PPIB: variants seen among roughly 807,000 people sequenced by gnomAD.
PPIB encodes the protein peptidyl-prolyl cis-trans isomerase B.
A neutral mutation model predicts 20.1 loss-of-function variants in PPIB; 15 were observed. That is an observed-to-expected ratio of 0.75 (90% CI 0.50 to 1.15). The LOEUF (loss-of-function observed/expected upper bound fraction) is 1.15. Among genes scored for constraint, PPIB ranks in the 50% most tolerant of loss-of-function variants. The pLI is 0.00. For missense variants in PPIB, 278 were observed against 283.0 expected (o/e 0.98, Z 0.13); for synonymous variants, 129 against 111.0 (o/e 1.16, Z -1.02).
intron 1 of PPIB, 64 bp downstream of exon 1, chr15:64,162,788 A>C: frequency 6.3e-7 from 1 of 1,576,622 alleles, no homozygotes; most frequent in Non-Finnish European, 8.6e-7. Flanking sequence ...GGCTGAGCCA[A>C]GGCCAAGCCA....
rs2241995 is a variant in PPIB at position 64,156,970 on chromosome 15, G to A, written c.344-61C>T. 1.4e-3 allele frequency: 2,173 copies of A among 1,562,026 alleles called. 16 individuals are homozygous for A. In the East Asian group the frequency reaches 0.018, roughly 13 times the overall value. On this transcript the variant is annotated intron_variant, in intron 3 of 4. Coordinates refer to ENST00000300026, the MANE Select transcript of PPIB (RefSeq NM_000942.5). The surrounding 1 kb of genome is among the most constrained non-coding windows in gnomAD (Gnocchi z 6.4). ...ATTGCGCCAAACCAAGCAGACATTC[G>A]GGGCCAGGACTGAGGGGGCTTAACC...
chr15:64,160,333 G>A lies in PPIB; in HGVS notation c.250-136C>T. 1 of 757,186 alleles carries A rather than the reference G, an allele frequency of 1.3e-6. No individual in the cohort carries two copies. The highest frequency in any genetic ancestry group is 2.3e-6 in the Non-Finnish European group (1 of 426,868). The allele number at this position is 757,186 out of a possible 1,614,324, so 46.9% of individuals were successfully genotyped here. ...CACTGCTGACCACTTTCACTGTTCA[G>A]TGTGCTACTAAGTGAGCGGGCAGGC... On this transcript the variant is annotated intron_variant, in intron 2 of 4. Transcript: ENST00000300026. The surrounding 1 kb of genome is among the most constrained non-coding windows in gnomAD (Gnocchi z 4.8).
Position 64,156,859 on chromosome 15 carries a change from G to A in PPIB, c.394C>T (p.His132Tyr). ...ATGCTCACCCAGCCAGGCCCGTAGT[G>A]CTTCAGTTTGAAGTTCTCATCGGGG... is the stretch of plus-strand genomic sequence containing the variant. ...RFPDENFKLKHYGPGWVSMAN... is the reference protein window; with the variant it reads ...RFPDENFKLKYYGPGWVSMAN... Residue 132 changes from histidine (H) to tyrosine (Y), a missense_variant, in exon 4 of 5, where the codon CAC becomes TAC. His to Tyr is a moderately conservative substitution (Grantham distance 83). Transcript: ENST00000300026. This position sits in a 1 kb window ranked among gnomAD's most constrained non-coding sequence, Gnocchi z 6.4. The A allele has an allele frequency of 6.2e-7, 1 of 1,614,164 alleles. No individual in the cohort carries two copies. The highest frequency in any genetic ancestry group is 8.5e-7 in the Non-Finnish European group (1 of 1,180,018).
rs748632860 is a variant in PPIB, at chr15:64,158,623, A to G, written c.343+1481T>C. Among the ~76,000 whole-genome samples, 2 of 150,964 alleles carry G rather than the reference A, an allele frequency of 1.3e-5. No individual in the cohort carries two copies. Among genetic ancestry groups the G allele is most frequent in the Non-Finnish European group, 3.0e-5 (2 of 67,784 alleles). On this transcript the variant is annotated intron_variant, in intron 3 of 4. Coordinates refer to ENST00000300026, the MANE Select transcript of PPIB (RefSeq NM_000942.5). The surrounding 1 kb of genome is among the most constrained non-coding windows in gnomAD (Gnocchi z 4.7). ...CCTCTTACTCAGCTCTGTGGCCCTG[A>G]CTCCCTGCAGGCCGAAGCCCAGGCT...
Position 64,158,921 on chromosome 15 carries a change from C to T in PPIB, c.343+1183G>A, listed in dbSNP as rs1447556231. 6.6e-6 allele frequency among the ~76,000 whole-genome samples: 1 copy of T among 152,220 alleles called. No individual in the cohort carries two copies. The highest frequency in any genetic ancestry group is 1.5e-5 in the Non-Finnish European group (1 of 68,040). ...CTCACTGCATGCCAGGCACTTCACA[C>T]TCCAGATCTAGCCCAATCCTCATGG... On this transcript the variant is annotated intron_variant, in intron 3 of 4. Coordinates refer to ENST00000300026, the MANE Select transcript of PPIB (RefSeq NM_000942.5). The surrounding 1 kb of genome is among the most constrained non-coding windows in gnomAD (Gnocchi z 4.7).
In PPIB at chr15:64,156,782, G is replaced by T; in HGVS notation, c.471C>A (p.Val157=). ...GCTTGCCATCTAGCCAGGCTGTCTT[G>T]ACTGTCGTGATGAAGAACTGGGAGC... ...TNGSQFFITT[V]KTAWLDGKHV... is the part of the protein sequence containing the mutation. The change falls in exon 4 of 5, where the codon GTC becomes GTA. Residue 157 remains valine, a synonymous_variant. Transcript: ENST00000300026. This position sits in a 1 kb window ranked among gnomAD's most constrained non-coding sequence, Gnocchi z 6.4. 3 of 1,614,210 alleles carry T rather than the reference G, an allele frequency of 1.9e-6. No homozygotes were observed. Among genetic ancestry groups the T allele is most frequent in the South Asian group, 1.1e-5 (1 of 91,084 alleles).
At chr15:64,162,746 A>G in intron 1 of PPIB, 106 bp downstream of exon 1, 3 of 1,528,946 alleles carry the variant, frequency 2.0e-6, no homozygotes, top group Non-Finnish European at 2.7e-6. Flanking sequence ...CCCAGACGCC[A>G]CGAGGCCACA....
Position 64,160,348 on chromosome 15 carries a change from A to G in PPIB, c.250-151T>C. The G allele has an allele frequency of 1.4e-6, 1 of 719,018 alleles. No homozygotes were observed. The highest frequency in any genetic ancestry group is 2.5e-6 in the Non-Finnish European group (1 of 397,758). 44.5% of individuals were successfully genotyped at this position (719,018 alleles called of 1,614,324 possible). A position where few individuals can be genotyped will look rare whatever the true frequency, so the allele number is the denominator to read the frequency against. On this transcript the variant is annotated intron_variant, in intron 2 of 4. Transcript: ENST00000300026. The surrounding 1 kb of genome is among the most constrained non-coding windows in gnomAD (Gnocchi z 4.8). The stretch of plus-strand genomic sequence containing the variant: ...TCACTGTTCAGTGTGCTACTAAGTG[A>G]GCGGGCAGGCGCCACAGGACAGGCA...
Position 64,157,071 on chromosome 15 carries a change from G to C in PPIB, c.344-162C>G, listed in dbSNP as rs946166952. 1 of 768,634 alleles carries C rather than the reference G, an allele frequency of 1.3e-6. No homozygotes were observed. Among genetic ancestry groups the C allele is most frequent in the Non-Finnish European group, 2.1e-6 (1 of 486,040 alleles). The allele number at this position is 768,634 out of a possible 1,614,324, so 47.6% of individuals were successfully genotyped here. A position where few individuals can be genotyped will look rare whatever the true frequency, so the allele number is the denominator to read the frequency against. On this transcript the variant is annotated intron_variant, in intron 3 of 4. Coordinates refer to ENST00000300026, the MANE Select transcript of PPIB (RefSeq NM_000942.5). The surrounding 1 kb of genome is among the most constrained non-coding windows in gnomAD (Gnocchi z 4.2). ...GCGTCCTTCCTATCTTCTGGCCTCAGAGCCAAGCCATGCTGACTGAGGCCA... is the reference window on the plus strand; with the variant it reads ...GCGTCCTTCCTATCTTCTGGCCTCACAGCCAAGCCATGCTGACTGAGGCCA...
chr15:64,157,918 C>A lies in PPIB; in HGVS notation c.344-1009G>T, dbSNP rs1463051912. On this transcript the variant is annotated intron_variant, in intron 3 of 4. Coordinates refer to ENST00000300026, the MANE Select transcript of PPIB (RefSeq NM_000942.5). The surrounding 1 kb of genome is among the most constrained non-coding windows in gnomAD (Gnocchi z 4.2). Reference sequence around the variant, plus strand: ...GCTTCTGCCTGTGCTCCACCTCTCACCCCCACGCTGGGGAGACTGGACTCT... The same window carrying A: ...GCTTCTGCCTGTGCTCCACCTCTCAACCCCACGCTGGGGAGACTGGACTCT... 6.6e-6 allele frequency among the ~76,000 whole-genome samples: 1 copy of A among 152,168 alleles called. No individual in the cohort carries two copies. Among genetic ancestry groups the A allele is most frequent in the Non-Finnish European group, 1.5e-5 (1 of 68,036 alleles).
rs1048929751 is a variant in PPIB, at chr15:64,160,773, A to C, written c.250-576T>G. The stretch of plus-strand genomic sequence containing the variant: ...GCGATTCTCCAGCCTCAGCCTCCTG[A>C]GTAGCTGGGATTACAGGCATGTGCC... On this transcript the variant is annotated intron_variant, in intron 2 of 4. Coordinates refer to ENST00000300026, the MANE Select transcript of PPIB (RefSeq NM_000942.5). This position sits in a 1 kb window ranked among gnomAD's most constrained non-coding sequence, Gnocchi z 4.8. 2.0e-5 allele frequency among the ~76,000 whole-genome samples: 3 copies of C among 152,022 alleles called. No individual in the cohort carries two copies. The highest frequency in any genetic ancestry group is 2.0e-4 in the Admixed American group (3 of 15,262).
rs761009219 is a variant in PPIB, at chr15:64,160,248, C to G, written c.250-51G>C. 6.9e-7 allele frequency: 1 copy of G among 1,446,286 alleles called. No homozygotes were observed. Among genetic ancestry groups the G allele is most frequent in the African/African-American group, 1.4e-5 (1 of 71,426 alleles). 89.6% of individuals were successfully genotyped at this position (1,446,286 alleles called of 1,614,324 possible). On this transcript the variant is annotated intron_variant, in intron 2 of 4. Transcript: ENST00000300026. The surrounding 1 kb of genome is among the most constrained non-coding windows in gnomAD (Gnocchi z 4.8). ...GAGGTGGTATGGGGCAGCAGGAAGA[C>G]ATTACATTAAATAGGCCTCACAGGA...
rs2081558508 is a variant in PPIB, at chr15:64,160,335, G to A, written c.250-138C>T. On this transcript the variant is annotated intron_variant, in intron 2 of 4. Coordinates refer to ENST00000300026, the MANE Select transcript of PPIB (RefSeq NM_000942.5). The surrounding 1 kb of genome is among the most constrained non-coding windows in gnomAD (Gnocchi z 4.8). Reference sequence around the variant, plus strand: ...CTGCTGACCACTTTCACTGTTCAGTGTGCTACTAAGTGAGCGGGCAGGCGC... The same window carrying A: ...CTGCTGACCACTTTCACTGTTCAGTATGCTACTAAGTGAGCGGGCAGGCGC... 3 of 741,454 alleles carry A rather than the reference G, an allele frequency of 4.0e-6. No individual in the cohort carries two copies. The South Asian group carries it at 4.4e-5, about 11-fold the overall frequency. The allele number at this position is 741,454 out of a possible 1,614,324, so 45.9% of individuals were successfully genotyped here.
Position 64,156,088 on chromosome 15 carries a change from C to T in PPIB, c.586G>A (p.Asp196Asn). ...TTGCCGCAGTCTGCGATGATCACAT[C>T]CTTCAGGGGTTTATCCCGGCTGTCT... ...KTDSRDKPLK[D>N]VIIADCGKIE... Residue 196 changes from aspartate to asparagine, a missense_variant, in exon 5 of 5, where the codon GAT becomes AAT. By Grantham distance (23) the Asp-to-Asn change is conservative. Transcript: ENST00000300026. The surrounding 1 kb of genome is among the most constrained non-coding windows in gnomAD (Gnocchi z 6.4). The T allele has an allele frequency of 3.1e-6, 5 of 1,614,220 alleles. No homozygotes were observed. Among genetic ancestry groups the T allele is most frequent in the Non-Finnish European group, 4.2e-6 (5 of 1,180,054 alleles).
chr15:64,162,900 TC>T lies in PPIB; in HGVS notation c.86del (p.Gly29AspfsTer29). 6.2e-7 allele frequency: 1 copy of T among 1,612,938 alleles called. No homozygotes were observed. The highest frequency in any genetic ancestry group is 1.1e-5 in the South Asian group (1 of 90,870). On this transcript the variant is annotated frameshift_variant, in exon 1 of 5. Coordinates refer to ENST00000300026, the MANE Select transcript of PPIB (RefSeq NM_000942.5). LOFTEE classifies it high-confidence loss of function. The part of the protein sequence containing the change: ...AGSVFFLLLP[G>X]PSAADEKKKG... ...TCTTCTTCTCATCGGCCGCAGAAGG[TC>T]CCGGCAGCAGCAGGAAGAAGACGGA...
At position 64,156,158 on chromosome 15, in the gene PPIB, G is replaced by A; in HGVS notation, c.529-13C>T. 1 of 1,614,032 alleles carries A rather than the reference G, an allele frequency of 6.2e-7. No individual in the cohort carries two copies. Among genetic ancestry groups the A allele is most frequent in the Non-Finnish European group, 8.5e-7 (1 of 1,180,020 alleles). ...TCCGCACCACCTCCTGGAAAAGAAA[G>A]GTGGAAGCAGGAGGGCATGGTGGAT... On this transcript the variant is annotated splice_polypyrimidine_tract_variant and intron_variant, in intron 4 of 4. Coordinates refer to ENST00000300026, the MANE Select transcript of PPIB (RefSeq NM_000942.5). This position sits in a 1 kb window ranked among gnomAD's most constrained non-coding sequence, Gnocchi z 6.4.
rs979970465 is a variant in PPIB, at chr15:64,159,558, GC to G, written c.343+545del. 6.0e-6 allele frequency: 1 copy of G among 166,424 alleles called. No individual in the cohort carries two copies. Among genetic ancestry groups the G allele is most frequent in the African/African-American group, 2.4e-5 (1 of 41,592 alleles). The allele number at this position is 166,424 out of a possible 1,614,324, so 10.3% of individuals were successfully genotyped here. A position where few individuals can be genotyped will look rare whatever the true frequency, so the allele number is the denominator to read the frequency against. ...TGGGATTATAGGCGCGTGCCACCAC[GC>G]CCGGCTAATCTTTTGTATTTTTAGT... is the stretch of plus-strand genomic sequence containing the variant. On this transcript the variant is annotated intron_variant, in intron 3 of 4. Transcript: ENST00000300026. This position sits in a 1 kb window ranked among gnomAD's most constrained non-coding sequence, Gnocchi z 5.1.
chr15:64,155,830 A>AC lies in PPIB; in HGVS notation c.*192_*193insG, dbSNP rs2081525264. The AC allele has an allele frequency of 7.6e-6, 6 of 790,198 alleles. No individual in the cohort carries two copies. In the East Asian group the frequency reaches 1.4e-4, roughly 18 times the overall value. The allele number at this position is 790,198 out of a possible 1,614,324, so 48.9% of individuals were successfully genotyped here. A position where few individuals can be genotyped will look rare whatever the true frequency, so the allele number is the denominator to read the frequency against. On this transcript the variant is annotated 3_prime_UTR_variant, in exon 5 of 5. Coordinates refer to ENST00000300026, the MANE Select transcript of PPIB (RefSeq NM_000942.5). ...CCACACATTATATATTAAAAAAAAA[A>AC]AAACCCACATTTTTTTTTATTGGTC...
chr15:64,156,537 G>A lies in PPIB; in HGVS notation c.528+188C>T. 3.9e-6 allele frequency: 3 copies of A among 767,620 alleles called. No individual in the cohort carries two copies. The highest frequency in any genetic ancestry group is 6.6e-6 in the Non-Finnish European group (3 of 452,996). The allele number at this position is 767,620 out of a possible 1,614,324, so 47.6% of individuals were successfully genotyped here. A position where few individuals can be genotyped will look rare whatever the true frequency, so the allele number is the denominator to read the frequency against. On this transcript the variant is annotated intron_variant, in intron 4 of 4. Coordinates refer to ENST00000300026, the MANE Select transcript of PPIB (RefSeq NM_000942.5). This position sits in a 1 kb window ranked among gnomAD's most constrained non-coding sequence, Gnocchi z 6.4. ...GCAGCCTTCCTGGCTGGGCTCTGAG[G>A]GGGCTGGAAGAATTTAGAACCTTGG...
Sources: allele counts gnomAD v4.1 joint callset (sites outside exome capture counted in the v4.1 genomes callset), GRCh38; gene constraint gnomAD v4.1.1; non-coding constraint Gnocchi (gnomAD v3.1); transcripts MANE v1.5; gene names NCBI Gene and HGNC (gene_info 2026-07-23, HGNC 2026-07-21).